ASTN2: variants seen among roughly 807,000 people sequenced by gnomAD.
The protein encoded by ASTN2 is astrotactin 2.
In ASTN2, 54 loss-of-function variants were observed where a neutral mutation model predicts 139.8. The observed-to-expected ratio is 0.39, with a 90% CI of 0.31 to 0.48. The LOEUF is 0.48. Ranked by LOEUF, ASTN2 falls within the 20% of genes least tolerant of loss-of-function variation. The probability of loss-of-function intolerance (pLI) is 0.95; values close to 1 mark genes in which losing one functional copy is unlikely to be tolerated. For missense variants in ASTN2, 1,565 were observed against 1,725.1 expected (o/e 0.91, Z 1.64); for synonymous variants, 756 against 719.5 (o/e 1.05, Z -0.81).
intron 3 of ASTN2, among the ~76,000 whole-genome samples, chr9:117,195,896 C>A (rs1831488572): frequency 6.6e-6 from 1 of 152,168 alleles, no homozygotes. Flanking sequence ...GTTCCTTCTG[C>A]CAATTTAGGA....
chr9:116,435,542 G>C (rs558495323), intron 22 of ASTN2, among the ~76,000 whole-genome samples: 1 of 151,930 alleles, frequency 6.6e-6, no homozygotes, highest in African/African-American at 2.4e-5. Context: ...CTTTCACTTC[G>C]AACTCTCTTC....
chr9:117,267,192 C>G (rs1331059124), intron 2 of ASTN2, among the ~76,000 whole-genome samples: 6 of 152,074 alleles, frequency 3.9e-5, no homozygotes, highest in Admixed American at 1.3e-4. Context: ...GAGGGACATC[C>G]TACAAAATAC....
intron 1 of ASTN2, among the ~76,000 whole-genome samples, chr9:117,388,040 C>A (rs1416944): frequency 3.9e-5 from 6 of 151,946 alleles, no homozygotes; most frequent in South Asian, 2.1e-4. Context: ...CTTTGGGCCC[C>A]TTCACCCTTC....
intron 16 of ASTN2, among the ~76,000 whole-genome samples, chr9:116,667,702 ATTCT>A (rs962134673): frequency 4.7e-4 from 72 of 152,242 alleles, no homozygotes; most frequent in African/African-American, 1.6e-3. Flanking sequence ...TACTGTTTTG[ATTCT>A]TTCTTGTAAA....
intron 17 of ASTN2, among the ~76,000 whole-genome samples, chr9:116,625,290 C>A (rs998827765): frequency 2.0e-5 from 3 of 152,080 alleles, no homozygotes; most frequent in Non-Finnish European, 4.4e-5. Flanking sequence ...AAAACTTAGT[C>A]AGGTGTGGTG....
At chr9:116,907,392 C>T (rs113480560) in intron 10 of ASTN2, among the ~76,000 whole-genome samples, 29 of 152,294 alleles carry the variant, frequency 1.9e-4, no homozygotes, top group African/African-American at 7.0e-4. Context: ...TATGAGACAA[C>T]CCCTCAGGGA....
intron 19 of ASTN2, among the ~76,000 whole-genome samples, chr9:116,596,872 C>T (rs1054594746): frequency 2.0e-5 from 3 of 152,010 alleles, no homozygotes; most frequent in Admixed American, 6.6e-5. Flanking sequence ...AAGGGAATCA[C>T]TAGAGGAAAG....
chr9:116,472,749 C>CA (rs1332932384), intron 20 of ASTN2, among the ~76,000 whole-genome samples: 132 of 134,494 alleles, frequency 9.8e-4, no homozygotes, highest in African/African-American at 2.8e-3. Flanking sequence ...ACTAAAAATA[C>CA]AAAAAAAAAA....
At chr9:117,087,165 A>G (rs928174505) in intron 5 of ASTN2, among the ~76,000 whole-genome samples, 1 of 151,860 alleles carries the variant, frequency 6.6e-6, no homozygotes, top group Non-Finnish European at 1.5e-5. Context: ...CAAAATTCAC[A>G]TTTTCAAGAA....
chr9:116,745,768 T>C (rs1035704316), intron 13 of ASTN2, among the ~76,000 whole-genome samples: 13 of 152,356 alleles, frequency 8.5e-5, no homozygotes, highest in African/African-American at 3.1e-4. Context: ...TTTACTATCT[T>C]GCAGCCAGAA....
intron 19 of ASTN2, among the ~76,000 whole-genome samples, chr9:116,569,752 G>A (rs766317226): frequency 2.0e-5 from 3 of 152,162 alleles, no homozygotes; most frequent in Non-Finnish European, 4.4e-5. Context: ...GAGCTGAACC[G>A]CCCAAGGACA....
At position 117,298,670 on chromosome 9, in the gene ASTN2, GTATA is replaced by G. The variant is rs148601803; in HGVS notation, c.443-7161_443-7158del. Among the ~76,000 whole-genome samples, 28 of 136,468 alleles carry G rather than the reference GTATA, an allele frequency of 2.1e-4. No individual in the cohort carries two copies. The Middle Eastern group carries it at 0.012, about 57-fold the overall frequency. 89.5% of individuals were successfully genotyped at this position (136,468 alleles called of 152,430 possible). ...TCTTGGTGTGTGTATATATATATGTGTATATATATATATATATATATGTGCATAT... is the reference window on the plus strand; with the variant it reads ...TCTTGGTGTGTGTATATATATATGTGTATATATATATATATATGTGCATAT... On this transcript the variant is annotated intron_variant, in intron 1 of 22. Transcript: ENST00000313400.
chr9:117,154,078 G>A (rs749724627), intron 3 of ASTN2, among the ~76,000 whole-genome samples: 1 of 151,952 alleles, frequency 6.6e-6, no homozygotes, highest in Non-Finnish European at 1.5e-5. Flanking sequence ...CAGTGCAATA[G>A]GGTGGTTATA....
chr9:117,113,678 CAA>C (rs57094447), intron 4 of ASTN2, among the ~76,000 whole-genome samples: 5 of 149,368 alleles, frequency 3.3e-5, no homozygotes, highest in African/African-American at 9.7e-5. Context: ...CAAAACAAAA[CAA>C]AAAAAAAAGG....
chr9:116,949,583 G>T (rs908143819), intron 10 of ASTN2, among the ~76,000 whole-genome samples: 13 of 152,202 alleles, frequency 8.5e-5, no homozygotes, highest in Non-Finnish European at 1.6e-4. Context: ...ATCTTTGTGG[G>T]TTGGAATGGC....
chr9:116,830,561 G>A (rs1180784282), intron 11 of ASTN2, among the ~76,000 whole-genome samples: 2 of 152,000 alleles, frequency 1.3e-5, no homozygotes, highest in Admixed American at 6.6e-5. Context: ...GGAGGTCTAG[G>A]CAGGTGGATC....
In ASTN2 at chr9:117,008,248, C is replaced by T. The variant is rs758157309; in HGVS notation, c.1435G>A (p.Val479Met). Reference sequence around the variant, plus strand: ...TCCAGGTAGCTCCCTTCACTCACCACGAAGCTGCTTCCTATGGGTGAACGG... The same window carrying T: ...TCCAGGTAGCTCCCTTCACTCACCATGAAGCTGCTTCCTATGGGTGAACGG... Reference protein sequence around the residue: ...EHFIADGSSFVVSEGSYLDIS... With the variant: ...EHFIADGSSFMVSEGSYLDIS... The change falls in exon 7 of 23, where the codon GTG becomes ATG. Residue 479 changes from valine to methionine, a missense_variant. Val to Met is a conservative substitution (Grantham distance 21). Around this residue, in one of 4 missense-constraint regions of ASTN2, gnomAD observed 503 missense variants for 591.7 expected, o/e 0.85. Coordinates refer to ENST00000313400, the MANE Select transcript of ASTN2 (RefSeq NM_001365068.1). 3.7e-6 allele frequency: 6 copies of T among 1,600,916 alleles called. No homozygotes were observed. Among genetic ancestry groups the T allele is most frequent in the East Asian group, 2.3e-5 (1 of 44,080 alleles).
At chr9:117,402,957 AAG>A (rs1201325625) in intron 1 of ASTN2, among the ~76,000 whole-genome samples, 1 of 152,198 alleles carries the variant, frequency 6.6e-6, no homozygotes, top group Non-Finnish European at 1.5e-5. Flanking sequence ...AAACAGAGAG[AAG>A]AGAATAAGCA....
intron 19 of ASTN2, among the ~76,000 whole-genome samples, chr9:116,506,349 G>A (rs1419554283): frequency 6.6e-6 from 1 of 152,164 alleles, no homozygotes; most frequent in Non-Finnish European, 1.5e-5. Flanking sequence ...AAACTGAGCT[G>A]CCAGACTCAA....
Sources: allele counts gnomAD v4.1 joint callset (sites outside exome capture counted in the v4.1 genomes callset), GRCh38; gene constraint gnomAD v4.1.1; regional missense constraint gnomAD v4.1.1; transcripts MANE v1.5; gene names NCBI Gene and HGNC (gene_info 2026-07-23, HGNC 2026-07-21).